The following AAAS variants were observed in gnomAD, a reference collection of about 807,000 sequenced individuals.
AAAS encodes aladin WD repeat nucleoporin.
Under a neutral mutation model 75.6 loss-of-function variants are expected in AAAS, and 60 were observed. The observed-to-expected ratio is 0.79, with a 90% CI of 0.64 to 0.98. The LOEUF is 0.98. Among genes scored for constraint, AAAS ranks in the 50% least tolerant of loss-of-function variants. The pLI, the probability that AAAS is intolerant of heterozygous loss-of-function variation, is 0.00. For missense variants in AAAS, 658 were observed against 686.9 expected, an observed-to-expected ratio of 0.96 and a Z score of 0.47; for synonymous variants, 271 against 265.0, an observed-to-expected ratio of 1.02 and a Z score of -0.22.
chr12:53,308,950 C>A lies in AAAS; in HGVS notation c.996+10G>T. 1 of 1,614,210 alleles carries A rather than the reference C, an allele frequency of 6.2e-7. No individual in the cohort carries two copies. The highest frequency in any genetic ancestry group is 8.5e-7 in the Non-Finnish European group (1 of 1,180,042). ...CTCCCCAGTGTCTGTGAATCAGAGTCCCCTCTTACCTGACAGCGCCCTGAT... is the reference window on the plus strand; with the variant it reads ...CTCCCCAGTGTCTGTGAATCAGAGTACCCTCTTACCTGACAGCGCCCTGAT... On this transcript the variant is annotated intron_variant, in intron 10 of 15. Coordinates refer to ENST00000209873, the MANE Select transcript of AAAS (RefSeq NM_015665.6).
chr12:53,321,242 C>T, intron 1 of AAAS, 101 bp downstream of exon 1: 1 of 1,544,074 alleles, frequency 6.5e-7, no homozygotes, highest in Non-Finnish European at 8.7e-7. Context: ...TCCACTCCGC[C>T]AGACTCTGTG....
In AAAS at chr12:53,307,902, G is replaced by A; in HGVS notation, c.1359C>T (p.Ala453=). The A allele has an allele frequency of 1.9e-6, 3 of 1,614,194 alleles. No individual in the cohort carries two copies. The highest frequency in any genetic ancestry group is 2.5e-6 in the Non-Finnish European group (3 of 1,180,044). Residue 453 remains alanine (A), a synonymous_variant, in exon 15 of 16, where the codon GCC becomes GCT. Coordinates refer to ENST00000209873, the MANE Select transcript of AAAS (RefSeq NM_015665.6). The stretch of plus-strand genomic sequence containing the variant: ...GATGGAAAGTGATGAGCTGGGGCTG[G>A]GCTCCTGGCTCCCCCTGGATAATGC... ...PCGIIQGEPG[A]QPQLITFHPS...
At chr12:53,317,152 C>T (rs1262991064) in intron 2 of AAAS, among the ~76,000 whole-genome samples, 2 of 150,978 alleles carry the variant, frequency 1.3e-5, no homozygotes, top group African/African-American at 2.4e-5. Context: ...GGGCCGGGTG[C>T]GGTGGCTCAC....
intron 2 of AAAS, among the ~76,000 whole-genome samples, chr12:53,318,338 C>T (rs954031583): frequency 6.6e-6 from 1 of 151,638 alleles, no homozygotes; most frequent in African/African-American, 2.4e-5. Context: ...CTCACTGCAA[C>T]CTCTACCTCC....
intron 2 of AAAS, among the ~76,000 whole-genome samples, chr12:53,319,975 C>G (rs1294718392): frequency 6.6e-6 from 1 of 151,982 alleles, no homozygotes; most frequent in Non-Finnish European, 1.5e-5. Flanking sequence ...ACAAAATTAG[C>G]TGGGCGTGGT....
rs1450000836 is a variant in AAAS, at chr12:53,309,709, G to A, written c.702C>T (p.Gly234=). 2 of 1,613,120 alleles carry A rather than the reference G, an allele frequency of 1.2e-6. No individual in the cohort carries two copies. Among genetic ancestry groups the A allele is most frequent in the Admixed American group, 3.3e-5 (2 of 59,890 alleles). The part of the protein sequence containing the change: ...PTSLSTRPSS[G]CAQVLSHPGH... ...CAGGGTGAGACAGCACTTGGGCACA[G>A]CCAGAAGAGGGTCTGGAGGGGAACA... Residue 234 remains glycine (G), a synonymous_variant, in exon 8 of 16, where the codon GGC becomes GGT. Transcript: ENST00000209873.
intron 7 of AAAS, among the ~76,000 whole-genome samples, chr12:53,312,663 G>GT (rs1944406219): frequency 6.6e-6 from 1 of 151,006 alleles, no homozygotes; most frequent in African/African-American, 2.4e-5. Context: ...ATTTTCTCCC[G>GT]TATCTATATC....
At position 53,315,223 on chromosome 12, in the gene AAAS, T is replaced by G. The variant is rs1337725049; in HGVS notation, c.400-83A>C. 14 of 1,597,202 alleles carry G rather than the reference T, an allele frequency of 8.8e-6. No homozygotes were observed. The East Asian group carries it at 2.7e-4, about 31-fold the overall frequency. ...TATTCCAACAGGGGAGCTGGACCAC[T>G]CCTACCCTCTGAAGTCATCACACCC... is the stretch of plus-strand genomic sequence containing the variant. On this transcript the variant is annotated intron_variant, in intron 4 of 15. Coordinates refer to ENST00000209873, the MANE Select transcript of AAAS (RefSeq NM_015665.6).
In AAAS at chr12:53,308,725, CACA is replaced by C. The variant is rs780646323; in HGVS notation, c.1084_1086del (p.Cys362del). 6.2e-7 allele frequency: 1 copy of C among 1,614,134 alleles called. No homozygotes were observed. The highest frequency in any genetic ancestry group is 8.5e-7 in the Non-Finnish European group (1 of 1,180,048). Reference sequence around the variant, plus strand: ...ATACTGAAGTGTTGCCCTAACTCACCACAACGTTCTGGAAAAGACAGGGAGTAA... The same window carrying C: ...ATACTGAAGTGTTGCCCTAACTCACCACGTTCTGGAAAAGACAGGGAGTAA... On this transcript the variant is annotated inframe_deletion and splice_region_variant, in exon 11 of 16. Transcript: ENST00000209873.
chr12:53,314,657 T>G, intron 6 of AAAS, 94 bp downstream of exon 6: 1 of 1,408,764 alleles, frequency 7.1e-7, no homozygotes, highest in Non-Finnish European at 9.9e-7. Flanking sequence ...GCCCCATGAA[T>G]CAGGTTCAAG....
chr12:53,313,726 A>G (rs1944425245), intron 7 of AAAS, among the ~76,000 whole-genome samples: 1 of 151,122 alleles, frequency 6.6e-6, no homozygotes, highest in Non-Finnish European at 1.5e-5. Flanking sequence ...CTCCTGCCTC[A>G]GCTTCCCGAG....
intron 2 of AAAS, among the ~76,000 whole-genome samples, chr12:53,319,815 AAAAAAAAAAAG>A (rs1944524237): frequency 7.4e-6 from 1 of 135,178 alleles, no homozygotes; most frequent in African/African-American, 2.7e-5. Flanking sequence ...AAAAAAAAAA[AAAAAAAAAAAG>A]AAAAAGAAAA....
intron 13 of AAAS, 64 bp from the exon 14 acceptor site, chr12:53,308,197 G>C: frequency 6.2e-7 from 1 of 1,611,400 alleles, no homozygotes; most frequent in Non-Finnish European, 8.5e-7. Flanking sequence ...GACATGGGCA[G>C]AGGAGAACTC....
At chr12:53,310,491 C>T (rs929562870) in intron 7 of AAAS, among the ~76,000 whole-genome samples, 1 of 149,646 alleles carries the variant, frequency 6.7e-6, no homozygotes, top group Non-Finnish European at 1.5e-5. Flanking sequence ...ACCCGGGAGG[C>T]GGAGGTTGCA....
intron 10 of AAAS, 41 bp downstream of exon 10, chr12:53,308,919 C>A (rs764523065): frequency 6.2e-7 from 1 of 1,613,972 alleles, no homozygotes; most frequent in Non-Finnish European, 8.5e-7. Flanking sequence ...CCATTGGAAT[C>A]ATCTCCTCCC....
At chr12:53,321,234 C>T (rs1944549285) in intron 1 of AAAS, 109 bp downstream of exon 1, 3 of 1,521,176 alleles carry the variant, frequency 2.0e-6, no homozygotes, top group African/African-American at 1.4e-5. Context: ...AAGCTGTTTC[C>T]ACTCCGCCAG....
In AAAS at chr12:53,314,416, G is replaced by C. The variant is rs145235560; in HGVS notation, c.571C>G (p.Arg191Gly). The C allele has an allele frequency of 1.7e-5, 28 of 1,613,978 alleles. No homozygotes were observed. Among genetic ancestry groups the C allele is most frequent in the Non-Finnish European group, 2.2e-5 (26 of 1,180,038 alleles). Residue 191 changes from arginine to glycine, a missense_variant, in exon 7 of 16, where the codon CGG becomes GGG. Transcript: ENST00000209873. ...SSTIVPSLKH[R>G]LQRNVASLAW... ...AGAGACGCCACATTTCGCTGCAGCCGGTGCTTCAGGGAGGGGACTATGGTG... is the reference window on the plus strand; with the variant it reads ...AGAGACGCCACATTTCGCTGCAGCCCGTGCTTCAGGGAGGGGACTATGGTG...
At chr12:53,314,595 G>A in intron 6 of AAAS, 154 bp from the exon 7 acceptor site, 1 of 1,325,828 alleles carries the variant, frequency 7.5e-7, no homozygotes, top group South Asian at 1.2e-5. Context: ...GTTAGGTCTA[G>A]AAGAAGCACG....
chr12:53,309,186 G>T lies in AAAS; in HGVS notation c.906C>A (p.Ile302=). 1 of 1,614,176 alleles carries T rather than the reference G, an allele frequency of 6.2e-7. No homozygotes were observed. Among genetic ancestry groups the T allele is most frequent in the Non-Finnish European group, 8.5e-7 (1 of 1,180,028 alleles). Residue 302 remains isoleucine, a synonymous_variant, in exon 9 of 16, where the codon ATC becomes ATA. Transcript: ENST00000209873. ...NLLWSPDGSK[I]LATTPSAVFR... ...AGACAGCTGAAGGAGTGGTAGCCAG[G>T]ATTTTGCTGCCGTCTGGGGACCAGA...
Sources: allele counts gnomAD v4.1 joint callset (sites outside exome capture counted in the v4.1 genomes callset), GRCh38; gene constraint gnomAD v4.1.1; transcripts MANE v1.5; gene names NCBI Gene and HGNC (gene_info 2026-07-23, HGNC 2026-07-21).